CSMD1: variants seen among roughly 807,000 people sequenced by gnomAD.
The protein encoded by CSMD1 is CUB and sushi domain-containing protein 1.
Under a neutral mutation model 417.5 loss-of-function variants are expected in CSMD1, and 213 were observed. That is an observed-to-expected ratio of 0.51 (90% CI 0.46 to 0.57). The LOEUF is 0.57. Among genes scored for constraint, CSMD1 ranks in the 20% least tolerant of loss-of-function variants. CSMD1 has a pLI of 0.00. For missense variants in CSMD1, 6,923 were observed against 4,529.7 expected (o/e 1.53, Z -15.17); for synonymous variants, 2,862 against 1,736.8 (o/e 1.65, Z -16.11).
intron 5 of CSMD1, among the ~76,000 whole-genome samples, chr8:3,956,093 G>A (rs1027199894): frequency 4.6e-5 from 7 of 152,142 alleles, no homozygotes; most frequent in Admixed American, 2.0e-4. Context: ...ACCGTGCTCG[G>A]CCAGGTTTCC....
intron 11 of CSMD1, among the ~76,000 whole-genome samples, chr8:3,492,650 G>T (rs192750503): frequency 1.9e-4 from 29 of 152,244 alleles, no homozygotes; most frequent in African/African-American, 5.8e-4. Flanking sequence ...TGTCTTTGAG[G>T]CCCTCTCTCT....
intron 7 of CSMD1, among the ~76,000 whole-genome samples, chr8:3,634,622 A>G (rs1013883619): frequency 1.3e-5 from 2 of 152,072 alleles, no homozygotes; most frequent in African/African-American, 4.8e-5. Flanking sequence ...GCAGCCTTCT[A>G]TCAAATTACT....
chr8:3,670,871 A>C (rs543283628), intron 7 of CSMD1, among the ~76,000 whole-genome samples: 2 of 150,448 alleles, frequency 1.3e-5, no homozygotes, highest in South Asian at 4.2e-4. Context: ...TGGGATATAT[A>C]TGTATATGGG....
chr8:4,249,854 C>A (rs1173947614), intron 3 of CSMD1, among the ~76,000 whole-genome samples: 1 of 151,962 alleles, frequency 6.6e-6, no homozygotes, highest in Non-Finnish European at 1.5e-5. Context: ...TCCCCTGACC[C>A]CCGGAATTCT....
rs376266233 is a variant in CSMD1 at position 3,367,080 on chromosome 8, T to C, written c.3067A>G (p.Ile1023Val). The C allele has an allele frequency of 1.9e-6, 3 of 1,613,818 alleles. No homozygotes were observed. Among genetic ancestry groups the C allele is most frequent in the Non-Finnish European group, 8.5e-7 (1 of 1,179,828 alleles). ...FGNFTAQLRFISDFSISYEGF... is the reference protein window; with the variant it reads ...FGNFTAQLRFVSDFSISYEGF... ...TCGTACGAAATTGAGAAGTCTGATA[T>C]AAACCGAAGCTGGGCAGTGAAGTTT... Residue 1023 changes from isoleucine to valine, a missense_variant, in exon 20 of 70, where the codon ATA becomes GTA. By Grantham distance (29) the Ile-to-Val change is conservative (BLOSUM62 3). Transcript: ENST00000635120.
At chr8:3,210,577 T>C (rs10091730) in intron 30 of CSMD1, among the ~76,000 whole-genome samples, 46,144 of 135,622 alleles carry the variant, frequency 0.34, 7,533 homozygotes, top group African/African-American at 0.38. Flanking sequence ...CCTATACATA[T>C]GTGTATAAAT....
chr8:3,702,443 A>G (rs1800924485), intron 7 of CSMD1, among the ~76,000 whole-genome samples: 1 of 152,254 alleles, frequency 6.6e-6, no homozygotes, highest in Admixed American at 6.5e-5. Flanking sequence ...CTACTTTAGT[A>G]ATCCTCACAT....
chr8:3,466,767 G>C (rs1222301133), intron 12 of CSMD1, among the ~76,000 whole-genome samples: 1 of 151,868 alleles, frequency 6.6e-6, no homozygotes, highest in Non-Finnish European at 1.5e-5. Flanking sequence ...ACTTTGCTTT[G>C]AGTCAAATAA....
chr8:4,212,359 A>C (rs1431998823), intron 3 of CSMD1, among the ~76,000 whole-genome samples: 1 of 152,090 alleles, frequency 6.6e-6, no homozygotes, highest in African/African-American at 2.4e-5. Flanking sequence ...ACCAATTAAA[A>C]GGCTTTACAC....
intron 3 of CSMD1, among the ~76,000 whole-genome samples, chr8:4,408,947 C>T (rs958702580): frequency 1.3e-5 from 2 of 152,150 alleles, no homozygotes; most frequent in African/African-American, 2.4e-5. Flanking sequence ...TTACATGTTG[C>T]ATTCAAATTC....
intron 2 of CSMD1, among the ~76,000 whole-genome samples, chr8:4,531,483 T>C (rs1313564735): frequency 6.6e-6 from 1 of 152,186 alleles, no homozygotes; most frequent in East Asian, 1.9e-4. Context: ...GTTTTTGTCA[T>C]CCCTATAATA....
intron 63 of CSMD1, 143 bp from the exon 64 acceptor site, chr8:2,955,911 TA>T (rs377259456): frequency 1.3e-4 from 73 of 553,538 alleles, no homozygotes; most frequent in African/African-American, 4.8e-4. Flanking sequence ...TATATATGTA[TA>T]TTTTTTTTGG....
At chr8:3,919,347 C>T (rs948878673) in intron 5 of CSMD1, among the ~76,000 whole-genome samples, 1 of 152,198 alleles carries the variant, frequency 6.6e-6, no homozygotes, top group South Asian at 2.1e-4. Flanking sequence ...TTTCATTCCT[C>T]TGCACGACAT....
In CSMD1 at chr8:4,955,642, G is replaced by A. The variant is rs369693352; in HGVS notation, c.85+38690C>T. ...GGCTAATTTTTGTATTTTTAATAGA[G>A]ACGGGCTTTCCCCATATTGGCCAGG... On this transcript the variant is annotated intron_variant, in intron 1 of 69. Transcript: ENST00000635120. Among the ~76,000 whole-genome samples the A allele has an allele frequency of 6.6e-5, 10 of 152,150 alleles. No homozygotes were observed. In the East Asian group the frequency reaches 1.7e-3, roughly 27 times the overall value.
chr8:4,215,658 T>C (rs904033725), intron 3 of CSMD1, among the ~76,000 whole-genome samples: 14 of 152,166 alleles, frequency 9.2e-5, no homozygotes, highest in Non-Finnish European at 1.9e-4. Flanking sequence ...GAAAATAATT[T>C]TAAATGAGGT....
At chr8:3,851,447 C>T (rs1393049559) in intron 5 of CSMD1, among the ~76,000 whole-genome samples, 1 of 152,182 alleles carries the variant, frequency 6.6e-6, no homozygotes, top group East Asian at 1.9e-4. Flanking sequence ...TGCACTTCTA[C>T]TCATCAATTA....
At chr8:3,431,322 G>A (rs962372805) in intron 12 of CSMD1, among the ~76,000 whole-genome samples, 1 of 152,070 alleles carries the variant, frequency 6.6e-6, no homozygotes, top group Non-Finnish European at 1.5e-5. Context: ...ACTCTCCTCT[G>A]CTCTACAGAA....
intron 1 of CSMD1, among the ~76,000 whole-genome samples, chr8:4,914,320 T>C (rs527789783): frequency 1.3e-5 from 2 of 152,160 alleles, no homozygotes; most frequent in Non-Finnish European, 2.9e-5. Flanking sequence ...CTCACACCTG[T>C]AATCCCAACA....
At chr8:4,236,313 G>A (rs545269100) in intron 3 of CSMD1, among the ~76,000 whole-genome samples, 10 of 152,238 alleles carry the variant, frequency 6.6e-5, no homozygotes, top group Non-Finnish European at 7.3e-5. Flanking sequence ...GCAGGAAACA[G>A]TATAGTATAG....
Sources: allele counts gnomAD v4.1 joint callset (sites outside exome capture counted in the v4.1 genomes callset), GRCh38; gene constraint gnomAD v4.1.1; transcripts MANE v1.5; gene names NCBI Gene and HGNC (gene_info 2026-07-23, HGNC 2026-07-21).